Variants in HTR2C observed in about 807,000 individuals in gnomAD.
HTR2C encodes the protein 5-hydroxytryptamine receptor 2C, also known as 5-hydroxytryptamine (serotonin) receptor 2C, G protein-coupled.
In HTR2C, 5 loss-of-function variants were observed where a neutral mutation model predicts 21.0. The ratio of observed to expected loss-of-function variants is 0.24; its 90% CI spans 0.12 to 0.50. HTR2C has a LOEUF of 0.50. Among genes scored for constraint, HTR2C ranks in the 20% least tolerant of loss-of-function variants. HTR2C has a pLI of 0.98. For missense variants in HTR2C, 271 were observed against 371.2 expected (o/e 0.73, Z 2.22); for synonymous variants, 150 against 145.3 (o/e 1.03, Z -0.23).
At chrX:114,751,948 A>G (rs1556428180) in intron 4 of HTR2C, among the ~76,000 whole-genome samples, 1 of 111,845 alleles carries the variant, frequency 8.9e-6, no homozygotes, top group African/African-American at 3.2e-5. Context: ...GAAAACAAAA[A>G]CAAAAAGGAA....
chrX:114,719,844 A>C (rs1329645193), intron 2 of HTR2C, among the ~76,000 whole-genome samples: 1 of 111,535 alleles, frequency 9.0e-6, no homozygotes, highest in Non-Finnish European at 1.9e-5. Flanking sequence ...CCATAGCTAA[A>C]AATGTGGCTA....
intron 1 of HTR2C, among the ~76,000 whole-genome samples, chrX:114,609,724 TATAA>T (rs1228527278): frequency 2.7e-5 from 3 of 112,349 alleles, no homozygotes; most frequent in Non-Finnish European, 5.6e-5. Context: ...TTAAATAGTC[TATAA>T]ATAAGACTCA....
At chrX:114,641,563 G>A (rs1930123276) in intron 2 of HTR2C, among the ~76,000 whole-genome samples, 1 of 111,182 alleles carries the variant, frequency 9.0e-6, no homozygotes, top group Non-Finnish European at 1.9e-5. Context: ...AGGTTCAAGT[G>A]GTCATCCATA....
intron 4 of HTR2C, among the ~76,000 whole-genome samples, chrX:114,732,795 G>A (rs191546886): frequency 1.2e-3 from 136 of 110,938 alleles, no homozygotes; most frequent in Non-Finnish European, 1.3e-3. Flanking sequence ...TGTCTGTTTC[G>A]CCAGCTTCTC....
chrX:114,736,646 C>G (rs1403944656), intron 4 of HTR2C, among the ~76,000 whole-genome samples: 1 of 111,086 alleles, frequency 9.0e-6, no homozygotes, highest in African/African-American at 3.3e-5. Context: ...AAAGACTGGA[C>G]CAAAAACAAA....
At chrX:114,637,221 A>T (rs1031408458) in intron 2 of HTR2C, among the ~76,000 whole-genome samples, 2 of 111,609 alleles carry the variant, frequency 1.8e-5, no homozygotes, top group East Asian at 2.8e-4. Flanking sequence ...ACAACTGAAA[A>T]CTAACCAATA....
chrX:114,601,666 G>A (rs369537457), intron 1 of HTR2C, among the ~76,000 whole-genome samples: 1 of 109,655 alleles, frequency 9.1e-6, no homozygotes. Flanking sequence ...CCATCTGGAT[G>A]TATACATGCA....
chrX:114,621,083 G>T (rs1417395727), intron 2 of HTR2C, among the ~76,000 whole-genome samples: 1 of 111,825 alleles, frequency 8.9e-6, no homozygotes, highest in African/African-American at 3.2e-5. Context: ...GTTTCACCAT[G>T]TTGGCAAGGA....
chrX:114,761,990 C>CATATGTGTG (rs782126342), intron 4 of HTR2C, among the ~76,000 whole-genome samples: 1 of 9,911 alleles, frequency 1.0e-4, no homozygotes, highest in East Asian at 6.1e-3. Flanking sequence ...TGTATATATA[C>CATATGTGTG]TATATATACA....
intron 2 of HTR2C, among the ~76,000 whole-genome samples, chrX:114,641,158 C>T (rs1556406406): frequency 9.2e-6 from 1 of 108,573 alleles, no homozygotes; most frequent in African/African-American, 3.4e-5. Context: ...ACTATAACCT[C>T]GAACTCCCTG....
intron 4 of HTR2C, among the ~76,000 whole-genome samples, chrX:114,743,594 T>A (rs1160903988): frequency 2.7e-5 from 3 of 110,570 alleles, no homozygotes; most frequent in African/African-American, 3.3e-5. Context: ...TGAGGAAAAA[T>A]GAACAATGCC....
At chrX:114,631,491 C>T (rs1929625356) in intron 2 of HTR2C, among the ~76,000 whole-genome samples, 2 of 111,800 alleles carry the variant, frequency 1.8e-5, no homozygotes, top group Non-Finnish European at 3.8e-5. Context: ...GAATGATCTA[C>T]GATTGTCATG....
intron 5 of HTR2C, among the ~76,000 whole-genome samples, chrX:114,855,018 G>A (rs899533387): frequency 1.3e-4 from 15 of 111,781 alleles, no homozygotes; most frequent in African/African-American, 4.5e-4. Context: ...GTTTTTCAAG[G>A]TGCTTTAATC....
chrX:114,713,844 A>G (rs887263619), intron 2 of HTR2C, among the ~76,000 whole-genome samples: 24 of 110,898 alleles, frequency 2.2e-4, no homozygotes, highest in African/African-American at 6.2e-4. Flanking sequence ...CACTCTCAAA[A>G]CACATGCATA....
At chrX:114,830,591 T>TA (rs1556460320) in intron 4 of HTR2C, among the ~76,000 whole-genome samples, 66 of 109,662 alleles carry the variant, frequency 6.0e-4, no homozygotes, top group East Asian at 3.1e-3. Context: ...ACTTTTTATT[T>TA]TTTTATTTAT....
At chrX:114,696,660 G>A (rs781831450) in intron 2 of HTR2C, among the ~76,000 whole-genome samples, 1 of 109,819 alleles carries the variant, frequency 9.1e-6, no homozygotes, top group Non-Finnish European at 1.9e-5. Flanking sequence ...GTTGAAAGTC[G>A]TTTTATTTTC....
chrX:114,740,761 A>T (rs2069637076), intron 4 of HTR2C, among the ~76,000 whole-genome samples: 1 of 112,043 alleles, frequency 8.9e-6, no homozygotes, highest in Admixed American at 9.5e-5. Context: ...TTTAATACAC[A>T]ATATTTGTAC....
chrX:114,668,586 A>G (rs906882194), intron 2 of HTR2C, among the ~76,000 whole-genome samples: 23 of 111,649 alleles, frequency 2.1e-4, no homozygotes, highest in Non-Finnish European at 4.3e-4. Flanking sequence ...ATGGGGAAGT[A>G]AAAATAGGTA....
intron 5 of HTR2C, among the ~76,000 whole-genome samples, chrX:114,897,566 C>T (rs1265407513): frequency 2.7e-5 from 3 of 111,240 alleles, no homozygotes; most frequent in African/African-American, 9.8e-5. Flanking sequence ...CCGTCCTCAC[C>T]GGCTGGCAGG....
Sources: gnomAD v4.1 joint callset for allele counts (sites outside exome capture counted in the v4.1 genomes callset) on GRCh38, gnomAD v4.1.1 for gene constraint, MANE v1.5 for transcripts, NCBI Gene and HGNC (gene_info 2026-07-23, HGNC 2026-07-21) for gene names.